INSL6: variants seen among roughly 807,000 people sequenced by gnomAD.
The protein encoded by INSL6 is insulin like 6, also known as insulin-like peptide INSL6.
A neutral mutation model predicts 9.4 loss-of-function variants in INSL6; 16 were observed. The ratio of observed to expected loss-of-function variants is 1.70; its 90% CI spans 1.15 to 2.59. INSL6 has a LOEUF of 2.59. INSL6 is among the 30% of genes most tolerant of loss of function. The pLI is 0.00. For missense variants in INSL6, 391 were observed against 257.3 expected (o/e 1.52, Z -3.56); for synonymous variants, 154 against 96.9 (o/e 1.59, Z -3.46).
At chr9:5,106,279 C>T in the INSL6 span, among the ~76,000 whole-genome samples, 3 of 152,114 alleles carry the variant, frequency 2.0e-5, no homozygotes, top group African/African-American at 7.2e-5. Context: ...TTTATGCAGC[C>T]AACAGACATA....
At chr9:5,095,429 T>C in the INSL6 span, among the ~76,000 whole-genome samples, 1 of 152,178 alleles carries the variant, frequency 6.6e-6, no homozygotes, top group African/African-American at 2.4e-5. Flanking sequence ...ACTGCATCTA[T>C]AATTCTCATG....
the INSL6 span, chr9:5,111,456 C>T: frequency 7.7e-6 from 3 of 389,058 alleles, no homozygotes; most frequent in East Asian, 6.7e-5. Flanking sequence ...CTTCCATCCT[C>T]GGCGTACCTG....
At chr9:5,045,648 T>C in the INSL6 span, among the ~76,000 whole-genome samples, 1 of 152,204 alleles carries the variant, frequency 6.6e-6, no homozygotes, top group Middle Eastern at 3.2e-3. Context: ...ATGTACCTCA[T>C]ACAAATGGAG....
intron 3 of INSL6, among the ~76,000 whole-genome samples, chr9:5,130,333 A>ATCTT (rs1352349660): frequency 6.6e-6 from 1 of 152,236 alleles, no homozygotes; most frequent in Admixed American, 6.5e-5. Flanking sequence ...AAAGTAAATC[A>ATCTT]TCTTTGAGCA....
chr9:5,004,237 C>T, the INSL6 span, among the ~76,000 whole-genome samples: 10 of 152,124 alleles, frequency 6.6e-5, no homozygotes, highest in African/African-American at 2.4e-4. Flanking sequence ...GTTTACTCCT[C>T]CTATCTAACA....
intron 2 of INSL6, among the ~76,000 whole-genome samples, chr9:5,133,868 C>G (rs1241427173): frequency 6.6e-6 from 1 of 151,652 alleles, no homozygotes; most frequent in Non-Finnish European, 1.5e-5. Flanking sequence ...CAGAAGTAGG[C>G]TTCAGAAGGT....
At chr9:5,058,308 A>G in the INSL6 span, among the ~76,000 whole-genome samples, 1 of 152,218 alleles carries the variant, frequency 6.6e-6, no homozygotes, top group Non-Finnish European at 1.5e-5. Flanking sequence ...TGGCTGGCCC[A>G]GGAAACTTAA....
chr9:5,053,705 G>A, the INSL6 span, among the ~76,000 whole-genome samples: 9 of 151,954 alleles, frequency 5.9e-5, no homozygotes, highest in African/African-American at 1.9e-4. Flanking sequence ...TGGCCAGAAG[G>A]AAATGTGGGA....
intron 3 of INSL6, chr9:5,132,706 G>A (rs1314759486): frequency 6.6e-6 from 1 of 152,118 alleles, no homozygotes; most frequent in African/African-American, 2.4e-5. Flanking sequence ...GATCTCCTAA[G>A]TATGTTGATA....
At chr9:5,031,760 A>G in the INSL6 span, among the ~76,000 whole-genome samples, 1 of 152,244 alleles carries the variant, frequency 6.6e-6, no homozygotes, top group African/African-American at 2.4e-5. Flanking sequence ...TCCTCTTAAA[A>G]TGAAAAGGCA....
the INSL6 span, chr9:5,022,171 T>C: frequency 6.2e-7 from 1 of 1,614,074 alleles, no homozygotes; most frequent in Non-Finnish European, 8.5e-7. Flanking sequence ...ATCTGGGGAG[T>C]ATGTTGCAGA....
At chr9:5,045,511 C>G in the INSL6 span, among the ~76,000 whole-genome samples, 1 of 152,174 alleles carries the variant, frequency 6.6e-6, no homozygotes, top group African/African-American at 2.4e-5. Flanking sequence ...CACCATCCAT[C>G]TCCAGAACAT....
chr9:5,073,128 G>T, the INSL6 span, among the ~76,000 whole-genome samples: 1 of 152,200 alleles, frequency 6.6e-6, no homozygotes, highest in Non-Finnish European at 1.5e-5. Flanking sequence ...GGGTGTTGGT[G>T]TTAGAAGATG....
chr9:5,012,413 TTAGTG>T, the INSL6 span, among the ~76,000 whole-genome samples: 1 of 152,020 alleles, frequency 6.6e-6, no homozygotes, highest in Non-Finnish European at 1.5e-5. Context: ...ATCAGGAACA[TTAGTG>T]TAGTATAAAC....
intron 2 of INSL6, among the ~76,000 whole-genome samples, chr9:5,133,746 C>T (rs1824335814): frequency 6.6e-6 from 1 of 151,922 alleles, no homozygotes; most frequent in Non-Finnish European, 1.5e-5. Flanking sequence ...GAGAAACCAG[C>T]AAGAAAAGGG....
chr9:5,072,469 T>C, the INSL6 span: 1 of 1,500,586 alleles, frequency 6.7e-7, no homozygotes, highest in Non-Finnish European at 8.9e-7. Flanking sequence ...CTCATTCTTT[T>C]CTTTTACCTT....
chr9:5,130,173 G>A (rs533291954), intron 3 of INSL6, among the ~76,000 whole-genome samples: 2 of 152,142 alleles, frequency 1.3e-5, no homozygotes, highest in Admixed American at 6.5e-5. Context: ...GAATATAACA[G>A]ATTTTTAAAA....
the INSL6 span, among the ~76,000 whole-genome samples, chr9:5,116,544 AAAATT>A: frequency 1.5e-4 from 23 of 152,196 alleles, no homozygotes; most frequent in African/African-American, 4.6e-4. Flanking sequence ...TTCAGAATGA[AAAATT>A]AAAGAGGTTA....
At chr9:5,145,171 C>T (rs1824576594) in intron 2 of INSL6, among the ~76,000 whole-genome samples, 1 of 152,138 alleles carries the variant, frequency 6.6e-6, no homozygotes, top group African/African-American at 2.4e-5. Flanking sequence ...GTAACAAATT[C>T]CCTCAGCATT....
Sources: gnomAD v4.1 joint callset for allele counts (sites outside exome capture counted in the v4.1 genomes callset) on GRCh38, gnomAD v4.1.1 for gene constraint, MANE v1.5 for transcripts, NCBI Gene and HGNC (gene_info 2026-07-23, HGNC 2026-07-21) for gene names.